Variants in GLT1D1 observed in about 807,000 individuals in gnomAD.
The protein encoded by GLT1D1 is glycosyltransferase 1 domain-containing protein 1.
Under a neutral mutation model 28.7 loss-of-function variants are expected in GLT1D1, and 21 were observed. The ratio of observed to expected loss-of-function variants is 0.73; its 90% CI spans 0.52 to 1.05. The LOEUF is 1.05. Ranked by LOEUF, GLT1D1 falls within the 50% of genes least tolerant of loss-of-function variation. GLT1D1 has a pLI of 0.00. For missense variants in GLT1D1, 343 were observed against 330.6 expected, an observed-to-expected ratio of 1.04 and a Z score of -0.29; for synonymous variants, 147 against 124.8, an observed-to-expected ratio of 1.18 and a Z score of -1.19.
intron 2 of GLT1D1, among the ~76,000 whole-genome samples, chr12:128,880,143 G>A (rs1356378465): frequency 6.6e-6 from 1 of 152,184 alleles, no homozygotes; most frequent in Non-Finnish European, 1.5e-5. Context: ...GATGGGCAAG[G>A]ACTTATTTCT....
At chr12:128,948,683 G>A (rs1489783919) in intron 6 of GLT1D1, among the ~76,000 whole-genome samples, 5 of 151,794 alleles carry the variant, frequency 3.3e-5, no homozygotes, top group African/African-American at 1.2e-4. Context: ...GGATATCCAT[G>A]TATCCCCTTG....
intron 4 of GLT1D1, chr12:128,944,380 G>A (rs185881988): frequency 1.2e-4 from 123 of 1,023,858 alleles, no homozygotes; most frequent in African/African-American, 3.1e-4. Context: ...TTCCAACACC[G>A]CTTTTTTTCT....
At chr12:128,968,880 C>T (rs184343545) in intron 7 of GLT1D1, among the ~76,000 whole-genome samples, 3 of 152,170 alleles carry the variant, frequency 2.0e-5, no homozygotes, top group Admixed American at 6.5e-5. Flanking sequence ...GCTCGGGCAG[C>T]GCCAGGAGCA....
intron 4 of GLT1D1, 125 bp from the exon 6 acceptor site, chr12:128,914,808 A>C: frequency 1.4e-6 from 1 of 704,038 alleles, no homozygotes; most frequent in South Asian, 1.9e-5. Flanking sequence ...TGACAGAGCG[A>C]GACTCTGTCT....
chr12:128,881,783 A>T (rs1367118643), intron 2 of GLT1D1, among the ~76,000 whole-genome samples: 3 of 151,172 alleles, frequency 2.0e-5, no homozygotes, highest in African/African-American at 7.3e-5. Context: ...TGTATATTTT[A>T]AAAATTGCAA....
intron 1 of GLT1D1, among the ~76,000 whole-genome samples, chr12:128,871,080 G>A (rs1956674107): frequency 1.3e-5 from 2 of 152,106 alleles, no homozygotes; most frequent in African/African-American, 4.8e-5. Context: ...CTGCTGTATC[G>A]ATTCTGCATA....
At chr12:128,979,884 T>G (rs1290032648) in intron 7 of GLT1D1, among the ~76,000 whole-genome samples, 1 of 152,230 alleles carries the variant, frequency 6.6e-6, no homozygotes. Flanking sequence ...ACACAAAGAC[T>G]GTATTACAGT....
intron 7 of GLT1D1, among the ~76,000 whole-genome samples, chr12:128,974,346 C>T (rs1397232977): frequency 6.6e-6 from 1 of 152,120 alleles, no homozygotes; most frequent in African/African-American, 2.4e-5. Context: ...ACAGCAATGC[C>T]TTTGAGCCAC....
chr12:128,899,051 A>C (rs1301459652), intron 3 of GLT1D1, among the ~76,000 whole-genome samples, 185 bp from the exon 4 acceptor site: 1 of 152,222 alleles, frequency 6.6e-6, no homozygotes, highest in Non-Finnish European at 1.5e-5. Flanking sequence ...CTTGCATATA[A>C]AACTTTTTTT....
At chr12:128,855,409 T>A (rs1294651935) in intron 1 of GLT1D1, among the ~76,000 whole-genome samples, 1 of 150,936 alleles carries the variant, frequency 6.6e-6, no homozygotes, top group Non-Finnish European at 1.5e-5. Flanking sequence ...CAAAAAAAAA[T>A]TTAAAAATTA....
chr12:128,913,238 G>T (rs1457477639), intron 4 of GLT1D1, among the ~76,000 whole-genome samples: 2 of 151,984 alleles, frequency 1.3e-5, no homozygotes, highest in Non-Finnish European at 2.9e-5. Flanking sequence ...TTTTTGTTTT[G>T]AGATGAAGTC....
At chr12:128,966,121 C>T (rs1878432071) in intron 7 of GLT1D1, among the ~76,000 whole-genome samples, 1 of 152,202 alleles carries the variant, frequency 6.6e-6, no homozygotes, top group South Asian at 2.1e-4. Flanking sequence ...GTTTCTCTTT[C>T]CCCCTGCAAC....
intron 4 of GLT1D1, among the ~76,000 whole-genome samples, chr12:128,935,520 G>A (rs1346658754): frequency 6.8e-6 from 1 of 146,502 alleles, no homozygotes; most frequent in Admixed American, 6.8e-5. Context: ...CAGCCTGGGT[G>A]ACAGAGTGAC....
intron 7 of GLT1D1, among the ~76,000 whole-genome samples, chr12:128,962,842 C>T (rs1407181819): frequency 1.3e-5 from 2 of 152,090 alleles, no homozygotes; most frequent in Non-Finnish European, 2.9e-5. Context: ...GCTGGGACTA[C>T]AGGTGTGCGC....
At chr12:128,931,261 A>C (rs1187330120) in intron 4 of GLT1D1, among the ~76,000 whole-genome samples, 1 of 151,256 alleles carries the variant, frequency 6.6e-6, no homozygotes, top group Non-Finnish European at 1.5e-5. Flanking sequence ...TCGGCCTCCC[A>C]AAATCCTGGG....
At chr12:128,916,180 GTGTGTATC>G (rs1281777537) in intron 4 of GLT1D1, among the ~76,000 whole-genome samples, 2 of 152,134 alleles carry the variant, frequency 1.3e-5, no homozygotes, top group Non-Finnish European at 2.9e-5. Context: ...TATCCCTATT[GTGTGTATC>G]TGTAGACCTT....
chr12:128,897,371 T>A (rs750083655), intron 3 of GLT1D1, among the ~76,000 whole-genome samples: 28 of 152,164 alleles, frequency 1.8e-4, no homozygotes, highest in Non-Finnish European at 3.2e-4. Context: ...TCAGTAGTTT[T>A]TAAATTTTAA....
intron 7 of GLT1D1, among the ~76,000 whole-genome samples, chr12:128,967,574 T>C (rs470467): frequency 0.7 from 106,771 of 152,118 alleles, 37,585 homozygotes; most frequent in Admixed American, 0.78. Context: ...TGCAGCGCTG[T>C]GCACTAGGGG....
chr12:128,939,837 A>ACCGCC (rs1555271943), intron 4 of GLT1D1, among the ~76,000 whole-genome samples: 7 of 97,620 alleles, frequency 7.2e-5, no homozygotes, highest in African/African-American at 2.3e-4. Flanking sequence ...ATTGTTAGAA[A>ACCGCC]CCCCCCCCCA....
Sources: gnomAD v4.1 joint callset for allele counts (sites outside exome capture counted in the v4.1 genomes callset) on GRCh38, gnomAD v4.1.1 for gene constraint, MANE v1.5 for transcripts, NCBI Gene and HGNC (gene_info 2026-07-23, HGNC 2026-07-21) for gene names.